Variants in MGAT4C observed in about 807,000 individuals in gnomAD.
The protein encoded by MGAT4C is alpha-1,3-mannosyl-glycoprotein 4-beta-N-acetylglucosaminyltransferase C.
MGAT4C carries 19 observed loss-of-function variants against 40.1 expected under a neutral mutation model. That is an observed-to-expected ratio of 0.47 (90% CI 0.33 to 0.70). The LOEUF is 0.70. MGAT4C is among the 30% of genes least tolerant of loss of function. The pLI is 0.02. For synonymous variants in MGAT4C, 181 were observed against 187.1 expected, an observed-to-expected ratio of 0.97 and a Z score of 0.27; for missense variants, 491 against 563.2, an observed-to-expected ratio of 0.87 and a Z score of 1.30.
chr12:85,983,852 G>T (rs1006228845), intron 3 of MGAT4C, among the ~76,000 whole-genome samples, 182 bp from the exon 4 acceptor site: 1 of 152,008 alleles, frequency 6.6e-6, no homozygotes, highest in African/African-American at 2.4e-5. Context: ...TTTACCTGGA[G>T]GTTCTGCTCC....
At chr12:86,214,090 A>G (rs1950581860) in intron 1 of MGAT4C, among the ~76,000 whole-genome samples, 1 of 152,170 alleles carries the variant, frequency 6.6e-6, no homozygotes, top group East Asian at 1.9e-4. Flanking sequence ...CTTGAGTCCA[A>G]TTCTGTGATA....
intron 1 of MGAT4C, among the ~76,000 whole-genome samples, chr12:86,169,671 G>A (rs371650053): frequency 7.9e-5 from 12 of 152,014 alleles, no homozygotes; most frequent in East Asian, 3.9e-4. Context: ...TGCTTCACAG[G>A]TGACTGAAAA....
intron 3 of MGAT4C, among the ~76,000 whole-genome samples, chr12:86,401,305 T>C (rs1324374863): frequency 6.6e-6 from 1 of 151,044 alleles, no homozygotes; most frequent in Non-Finnish European, 1.5e-5. Context: ...TGTGTGTGTA[T>C]ATATATATAT....
chr12:86,715,186 T>C (rs2136637234), intron 2 of MGAT4C, among the ~76,000 whole-genome samples: 1 of 152,276 alleles, frequency 6.6e-6, no homozygotes, highest in South Asian at 2.1e-4. Flanking sequence ...TTTAAACAAG[T>C]TTTCAAGAAT....
chr12:86,440,288 G>A (rs2136277306), intron 2 of MGAT4C, among the ~76,000 whole-genome samples: 1 of 152,206 alleles, frequency 6.6e-6, no homozygotes, highest in African/African-American at 2.4e-5. Flanking sequence ...CTATGATTAT[G>A]TGGGTTTCAT....
intron 1 of MGAT4C, among the ~76,000 whole-genome samples, chr12:86,761,810 T>G (rs1323054514): frequency 1.3e-5 from 2 of 152,158 alleles, no homozygotes; most frequent in African/African-American, 4.8e-5. Flanking sequence ...TTGCTTCTCT[T>G]TCTTAAGGAC....
At chr12:86,358,492 G>T (rs764365208) in intron 3 of MGAT4C, among the ~76,000 whole-genome samples, 2 of 152,144 alleles carry the variant, frequency 1.3e-5, no homozygotes, top group Non-Finnish European at 2.9e-5. Context: ...AACCTTAAAT[G>T]TAAATGGGCT....
rs141740012 is a variant in MGAT4C, at chr12:86,278,545, A to G, written c.-57+55520T>C. Among the ~76,000 whole-genome samples, 890 of 150,730 alleles carry G rather than the reference A, an allele frequency of 5.9e-3. 4 individuals carry two copies. The highest frequency in any genetic ancestry group is 0.01 in the Middle Eastern group (3 of 294). ...AAATGCTACTGATTTTTGTGTGTTGATTTTGTATCTTGCTACTGTACTGAA... is the reference window on the plus strand; with the variant it reads ...AAATGCTACTGATTTTTGTGTGTTGGTTTTGTATCTTGCTACTGTACTGAA... On this transcript the variant is annotated intron_variant, in intron 4 of 7. Transcript: ENST00000548651.
At chr12:86,257,693 A>C (rs2136090825), upstream of MGAT4C, among the ~76,000 whole-genome samples, 1 of 152,368 alleles carries the variant, frequency 6.6e-6, no homozygotes, top group South Asian at 2.1e-4. Context: ...AAAAGTTGAT[A>C]ATATATGAAA....
chr12:86,293,600 TTTATGAC>T (rs757501841), intron 4 of MGAT4C, among the ~76,000 whole-genome samples: 30 of 152,354 alleles, frequency 2.0e-4, no homozygotes, highest in Non-Finnish European at 3.5e-4. Context: ...CATTGTCTCC[TTTATGAC>T]TTATAACAAT....
chr12:86,345,818 G>C (rs1340793742), intron 3 of MGAT4C, among the ~76,000 whole-genome samples: 1 of 152,192 alleles, frequency 6.6e-6, no homozygotes, highest in Non-Finnish European at 1.5e-5. Flanking sequence ...AGATCCCTGA[G>C]GAATCGCCAC....
At chr12:86,668,165 G>T (rs1437590371) in intron 2 of MGAT4C, among the ~76,000 whole-genome samples, 1 of 152,086 alleles carries the variant, frequency 6.6e-6, no homozygotes, top group Non-Finnish European at 1.5e-5. Context: ...GGCATATTAG[G>T]GGCTTTTAAC....
At chr12:86,268,435 T>C (rs1268788238) in intron 4 of MGAT4C, among the ~76,000 whole-genome samples, 1 of 151,914 alleles carries the variant, frequency 6.6e-6, no homozygotes, top group Admixed American at 6.6e-5. Flanking sequence ...GAAAAATACA[T>C]GATATATAAA....
At chr12:86,159,253 A>G (rs1218526188) in intron 1 of MGAT4C, among the ~76,000 whole-genome samples, 1 of 151,932 alleles carries the variant, frequency 6.6e-6, no homozygotes, top group African/African-American at 2.4e-5. Flanking sequence ...GGGATGCTGG[A>G]TTTTATCACA....
chr12:86,738,836 G>A (rs1342418244), intron 1 of MGAT4C, among the ~76,000 whole-genome samples: 1 of 151,002 alleles, frequency 6.6e-6, no homozygotes, highest in Non-Finnish European at 1.5e-5. Flanking sequence ...AGCTGGTCCT[G>A]TGAATCTCTA....
intron 1 of MGAT4C, among the ~76,000 whole-genome samples, chr12:86,728,004 T>C (rs1950851551): frequency 6.6e-6 from 1 of 152,176 alleles, no homozygotes; most frequent in African/African-American, 2.4e-5. Flanking sequence ...TAGATTTACT[T>C]TGGTGATTTA....
At chr12:86,818,641 A>T (rs1952648536) in intron 1 of MGAT4C, among the ~76,000 whole-genome samples, 1 of 151,142 alleles carries the variant, frequency 6.6e-6, no homozygotes, top group African/African-American at 2.4e-5. Context: ...GTATACATTC[A>T]ACAGGGAAAA....
chr12:86,600,069 CT>C (rs1416566188), intron 2 of MGAT4C, among the ~76,000 whole-genome samples: 1 of 152,140 alleles, frequency 6.6e-6, no homozygotes, highest in Non-Finnish European at 1.5e-5. Context: ...AAAAGAAACA[CT>C]TTTGGGGTAC....
chr12:86,589,265 C>T (rs1427586067), intron 2 of MGAT4C, among the ~76,000 whole-genome samples: 8 of 151,810 alleles, frequency 5.3e-5, no homozygotes, highest in Middle Eastern at 3.4e-3. Context: ...TCAGAGATTA[C>T]TACAAACACC....
Sources: allele counts gnomAD v4.1 joint callset (sites outside exome capture counted in the v4.1 genomes callset), GRCh38; gene constraint gnomAD v4.1.1; transcripts MANE v1.5; gene names NCBI Gene and HGNC (gene_info 2026-07-23, HGNC 2026-07-21).